Variants in THADA observed in about 807,000 individuals in gnomAD.
THADA encodes the protein tRNA (32-2'-O)-methyltransferase regulator THADA.
Under a neutral mutation model 219.8 loss-of-function variants are expected in THADA, and 213 were observed. The observed-to-expected ratio is 0.97, with a 90% confidence interval of 0.87 to 1.09. The LOEUF is 1.09. Ranked by LOEUF, THADA falls within the 50% of genes least tolerant of loss-of-function variation. THADA has a pLI of 0.00. For missense variants in THADA, 2,956 were observed against 2,311.3 expected, an observed-to-expected ratio of 1.28 and a Z score of -5.72; for synonymous variants, 1,018 against 828.9, an observed-to-expected ratio of 1.23 and a Z score of -3.92.
At chr2:43,364,899 T>G (rs147059978) in intron 29 of THADA, among the ~76,000 whole-genome samples, 61 of 152,168 alleles carry the variant, frequency 4.0e-4, no homozygotes, top group African/African-American at 1.4e-3. Flanking sequence ...TTTAGATTAT[T>G]GTAATTGTGA....
chr2:43,255,565 G>C (rs1670220843), intron 36 of THADA, among the ~76,000 whole-genome samples: 1 of 152,226 alleles, frequency 6.6e-6, no homozygotes, highest in South Asian at 2.1e-4. Flanking sequence ...GGGCCCCCCA[G>C]AACTGCTGAG....
intron 36 of THADA, among the ~76,000 whole-genome samples, chr2:43,259,476 C>T (rs1436413457): frequency 2.0e-5 from 3 of 152,212 alleles, no homozygotes; most frequent in Non-Finnish European, 1.5e-5. Flanking sequence ...TTGCCAGGCC[C>T]CTGTAGGCAG....
At chr2:43,400,792 A>T (rs947497526) in intron 28 of THADA, among the ~76,000 whole-genome samples, 2 of 152,180 alleles carry the variant, frequency 1.3e-5, no homozygotes, top group Non-Finnish European at 2.9e-5. Context: ...GCCAGTGTCC[A>T]GTAATAGCAT....
chr2:43,500,449 CACAA>C (rs1260746510), intron 24 of THADA, among the ~76,000 whole-genome samples: 1 of 152,016 alleles, frequency 6.6e-6, no homozygotes, highest in African/African-American at 2.4e-5. Flanking sequence ...ACAGGCACAG[CACAA>C]AAAGGAAAAC....
chr2:43,588,085 G>A (rs190464958), intron 4 of THADA, among the ~76,000 whole-genome samples: 1 of 152,166 alleles, frequency 6.6e-6, no homozygotes, highest in African/African-American at 2.4e-5. Flanking sequence ...TGGTGTTGGT[G>A]TATGAATAAT....
At chr2:43,350,113 G>A (rs879573559) in intron 29 of THADA, among the ~76,000 whole-genome samples, 5 of 152,106 alleles carry the variant, frequency 3.3e-5, no homozygotes, top group African/African-American at 9.7e-5. Context: ...GACTCACTGG[G>A]TAGAACAGGC....
intron 27 of THADA, among the ~76,000 whole-genome samples, chr2:43,429,629 T>C (rs1678977186): frequency 6.6e-6 from 1 of 152,008 alleles, no homozygotes; most frequent in South Asian, 2.1e-4. Context: ...AAACTCAATA[T>C]GTAAACACAG....
intron 29 of THADA, among the ~76,000 whole-genome samples, chr2:43,391,603 G>GTT (rs552218606): frequency 1.3e-5 from 2 of 149,312 alleles, no homozygotes; most frequent in Non-Finnish European, 3.0e-5. Context: ...CCTTTCTTTA[G>GTT]TTTTTTTTTT....
intron 25 of THADA, among the ~76,000 whole-genome samples, chr2:43,489,547 T>C (rs1687350339): frequency 6.6e-6 from 1 of 152,144 alleles, no homozygotes; most frequent in South Asian, 2.1e-4. Flanking sequence ...ACATTTTGAG[T>C]CATCTGAATA....
At chr2:43,381,243 G>A (rs182269945) in intron 29 of THADA, among the ~76,000 whole-genome samples, 56 of 151,800 alleles carry the variant, frequency 3.7e-4, no homozygotes, top group African/African-American at 1.3e-3. Context: ...AATAAATAAT[G>A]TAATACTGGA....
chr2:43,337,378 T>C (rs757954185), intron 30 of THADA, among the ~76,000 whole-genome samples: 1 of 152,230 alleles, frequency 6.6e-6, no homozygotes, highest in Non-Finnish European at 1.5e-5. Context: ...GTCTCCCCAG[T>C]TGTTTTCACT....
intron 31 of THADA, among the ~76,000 whole-genome samples, 178 bp downstream of exon 31, chr2:43,320,268 G>T (rs1029936961): frequency 6.6e-6 from 1 of 152,158 alleles, no homozygotes; most frequent in African/African-American, 2.4e-5. Context: ...AAATAAACAA[G>T]AACAAGTTTC....
intron 31 of THADA, among the ~76,000 whole-genome samples, chr2:43,311,163 C>T (rs543909942): frequency 2.7e-5 from 4 of 150,160 alleles, no homozygotes; most frequent in Non-Finnish European, 5.9e-5. Context: ...GCAACAAGAG[C>T]GAAACTCCGT....
At chr2:43,544,773 G>C (rs1695802056) in intron 20 of THADA, among the ~76,000 whole-genome samples, 1 of 151,660 alleles carries the variant, frequency 6.6e-6, no homozygotes, top group African/African-American at 2.4e-5. Flanking sequence ...AGGAGATTTT[G>C]GGCTGAGAAA....
intron 19 of THADA, 70 bp downstream of exon 19, chr2:43,551,717 GGA>G (rs2103880594): frequency 7.4e-7 from 1 of 1,350,400 alleles, no homozygotes; most frequent in Non-Finnish European, 9.7e-7. Context: ...AAATACTTGG[GGA>G]AAAAAAAAAA....
intron 29 of THADA, among the ~76,000 whole-genome samples, chr2:43,389,995 C>T (rs749003882): frequency 6.6e-6 from 1 of 152,286 alleles, no homozygotes; most frequent in Middle Eastern, 3.4e-3. Context: ...CTCCACAGTA[C>T]CTGACATAGT....
At chr2:43,305,911 CCCTTT>C (rs903785408) in intron 31 of THADA, among the ~76,000 whole-genome samples, 8 of 152,000 alleles carry the variant, frequency 5.3e-5, no homozygotes, top group African/African-American at 1.2e-4. Flanking sequence ...TTCTCCTTTC[CCCTTT>C]CCTTTCCTTT....
chr2:43,550,147 A>C (rs1696580082), intron 19 of THADA, among the ~76,000 whole-genome samples: 1 of 152,232 alleles, frequency 6.6e-6, no homozygotes, highest in African/African-American at 2.4e-5. Flanking sequence ...GAGGTTCAGG[A>C]ACATGAGTTG....
intron 29 of THADA, among the ~76,000 whole-genome samples, chr2:43,360,966 A>G (rs1284366729): frequency 6.6e-6 from 1 of 152,158 alleles, no homozygotes; most frequent in Non-Finnish European, 1.5e-5. Context: ...GACATCTGAC[A>G]ATATCTACAA....
Sources: allele counts gnomAD v4.1 joint callset (sites outside exome capture counted in the v4.1 genomes callset), GRCh38; gene constraint gnomAD v4.1.1; transcripts MANE v1.5; gene names NCBI Gene and HGNC (gene_info 2026-07-23, HGNC 2026-07-21).